CHMP4C: variants seen among roughly 807,000 people sequenced by gnomAD.
CHMP4C encodes SNF7 homolog associated with Alix 3.
In CHMP4C, 28 loss-of-function variants were observed where a neutral mutation model predicts 29.0. The ratio of observed to expected loss-of-function variants is 0.97; its 90% confidence interval spans 0.72 to 1.32. CHMP4C has a LOEUF of 1.32. CHMP4C is among the 40% of genes most tolerant of loss of function. The pLI, the probability that CHMP4C is intolerant of heterozygous loss-of-function variation, is 0.00. For missense variants in CHMP4C, 291 were observed against 281.0 expected (o/e 1.04, Z -0.25); for synonymous variants, 106 against 102.4 (o/e 1.04, Z -0.21).
intron 1 of CHMP4C, among the ~76,000 whole-genome samples, chr8:81,749,230 G>T (rs995086482): frequency 1.3e-5 from 2 of 152,110 alleles, no homozygotes; most frequent in African/African-American, 4.8e-5. Context: ...CTTGTTCTAT[G>T]TGCAAAATTA....
intron 1 of CHMP4C, among the ~76,000 whole-genome samples, chr8:81,736,939 C>T (rs1022161914): frequency 6.6e-6 from 1 of 152,180 alleles, no homozygotes; most frequent in African/African-American, 2.4e-5. Flanking sequence ...CAGTTACCAT[C>T]ATCATCCAGC....
At chr8:81,754,399 T>C (rs1269619923) in intron 2 of CHMP4C, among the ~76,000 whole-genome samples, 1 of 152,112 alleles carries the variant, frequency 6.6e-6, no homozygotes, top group Non-Finnish European at 1.5e-5. Flanking sequence ...TCAGTATAAA[T>C]AGAATAATAA....
At chr8:81,752,574 G>A (rs1312910012) in intron 1 of CHMP4C, among the ~76,000 whole-genome samples, 2 of 152,080 alleles carry the variant, frequency 1.3e-5, no homozygotes, top group Non-Finnish European at 2.9e-5. Context: ...ATACAGCTCA[G>A]TATTCTGAGT....
intron 2 of CHMP4C, among the ~76,000 whole-genome samples, chr8:81,753,983 A>G (rs1808941610): frequency 6.6e-6 from 1 of 152,130 alleles, no homozygotes; most frequent in Admixed American, 6.6e-5. Flanking sequence ...TATGTCTGGG[A>G]CCGGATCCTT....
rs549017399 is a variant in CHMP4C at position 81,750,483 on chromosome 8, G to A, written c.191-2581G>A. ...AGACTCCGTACAGTGACATGTGCCT[G>A]TAGTTGCAGTTACTCTGAAAGCTAA... On this transcript the variant is annotated intron_variant, in intron 1 of 4. Coordinates refer to ENST00000297265, the MANE Select transcript of CHMP4C (RefSeq NM_152284.4). Among the ~76,000 whole-genome samples the A allele has an allele frequency of 3.2e-3, 479 of 151,890 alleles. 2 individuals carry two copies. Among genetic ancestry groups the A allele is most frequent in the Non-Finnish European group, 5.4e-3 (370 of 67,934 alleles).
intron 1 of CHMP4C, among the ~76,000 whole-genome samples, chr8:81,747,982 CG>C (rs1386292133): frequency 1.3e-5 from 2 of 152,024 alleles, no homozygotes; most frequent in Non-Finnish European, 2.9e-5. Context: ...TATGGGAGAC[CG>C]GAGTCTATCT....
intron 1 of CHMP4C, among the ~76,000 whole-genome samples, chr8:81,749,197 T>A (rs1808867060): frequency 6.7e-6 from 1 of 149,324 alleles, no homozygotes; most frequent in African/African-American, 2.6e-5. Flanking sequence ...AAGGCCACAC[T>A]CTTTCCATTA....
Position 81,758,502 on chromosome 8 carries a change from A to AGAGGAT in CHMP4C, c.663_668dup (p.Glu221_Asp222dup). ...CAGCATCTTCCCAGAGGGCAGAAGA[A>AGAGGAT]GAGGATGATGATATCAAACAATTGG... On this transcript the variant is annotated inframe_insertion, in exon 5 of 5. Coordinates refer to ENST00000297265, the MANE Select transcript of CHMP4C (RefSeq NM_152284.4). 6.2e-7 allele frequency: 1 copy of AGAGGAT among 1,613,364 alleles called. No homozygotes were observed. Among genetic ancestry groups the AGAGGAT allele is most frequent in the South Asian group, 1.1e-5 (1 of 91,036 alleles).
chr8:81,748,450 G>A (rs1808858417), intron 1 of CHMP4C, among the ~76,000 whole-genome samples: 1 of 152,194 alleles, frequency 6.6e-6, no homozygotes, highest in South Asian at 2.1e-4. Context: ...TTTAGAGATT[G>A]CAGTAAAGAC....
chr8:81,742,230 A>G (rs886072196), intron 1 of CHMP4C, among the ~76,000 whole-genome samples: 4 of 152,130 alleles, frequency 2.6e-5, no homozygotes, highest in Non-Finnish European at 2.9e-5. Context: ...CTCTTCCCCA[A>G]TCTAAGAATC....
chr8:81,743,916 C>T (rs926467559), intron 1 of CHMP4C, among the ~76,000 whole-genome samples: 2 of 152,180 alleles, frequency 1.3e-5, no homozygotes, highest in African/African-American at 2.4e-5. Flanking sequence ...CTCTTTTATA[C>T]TTTATAGTAT....
chr8:81,750,749 A>G (rs1334527885), intron 1 of CHMP4C, among the ~76,000 whole-genome samples: 3 of 152,294 alleles, frequency 2.0e-5, no homozygotes, highest in African/African-American at 7.2e-5. Flanking sequence ...ATTTCAGAAG[A>G]TAGTAGACAG....
At chr8:81,753,333 T>G in intron 2 of CHMP4C, 92 bp downstream of exon 2, 2 of 939,942 alleles carry the variant, frequency 2.1e-6, no homozygotes, top group Non-Finnish European at 1.5e-6. Context: ...AGGAATGGGT[T>G]TACTCATTTG....
chr8:81,734,458 G>A (rs929963214), intron 1 of CHMP4C, among the ~76,000 whole-genome samples: 6 of 139,208 alleles, frequency 4.3e-5, no homozygotes, highest in Admixed American at 1.4e-4. Flanking sequence ...AGCCTCCCGA[G>A]TCGCTGGGAT....
rs117985047 is a variant in CHMP4C at position 81,737,041 on chromosome 8, G to A, written c.190+4225G>A. On this transcript the variant is annotated intron_variant, in intron 1 of 4. Transcript: ENST00000297265. Reference sequence around the variant, plus strand: ...CAAAAGAGTAACAGTTGGAGCTTGAGTTATAATTTGGTTAAAAACTTTAGG... The same window carrying A: ...CAAAAGAGTAACAGTTGGAGCTTGAATTATAATTTGGTTAAAAACTTTAGG... 1.2e-4 allele frequency among the ~76,000 whole-genome samples: 18 copies of A among 152,356 alleles called. 1 individual carries two copies. In the East Asian group the frequency reaches 3.5e-3, roughly 29 times the overall value.
intron 3 of CHMP4C, among the ~76,000 whole-genome samples, chr8:81,755,978 CTATAAT>C (rs1808967409): frequency 6.6e-6 from 1 of 152,148 alleles, no homozygotes; most frequent in South Asian, 2.1e-4. Flanking sequence ...TACAGACAGA[CTATAAT>C]TATAATGGTG....
intron 1 of CHMP4C, among the ~76,000 whole-genome samples, chr8:81,750,938 A>G (rs1007468021): frequency 6.6e-6 from 1 of 152,198 alleles, no homozygotes; most frequent in African/African-American, 2.4e-5. Context: ...AAAGTGTAAA[A>G]GAAAGTCTTT....
chr8:81,732,502 C>A lies in CHMP4C; in HGVS notation c.-125C>A. 3.0e-6 allele frequency: 2 copies of A among 664,200 alleles called. No homozygotes were observed. The highest frequency in any genetic ancestry group is 3.0e-5 in the Admixed American group (1 of 33,540). The allele number at this position is 664,200 out of a possible 1,614,324, so 41.1% of individuals were successfully genotyped here. On this transcript the variant is annotated 5_prime_UTR_variant, in exon 1 of 5. Coordinates refer to ENST00000297265, the MANE Select transcript of CHMP4C (RefSeq NM_152284.4). ...CCTGTCCAGGACGACTTGTTGATTC[C>A]CAGGAGGGCCGCCTTTCCGGTCTGG...
chr8:81,748,704 C>T (rs748101737), intron 1 of CHMP4C, among the ~76,000 whole-genome samples: 1 of 151,886 alleles, frequency 6.6e-6, no homozygotes, highest in Non-Finnish European at 1.5e-5. Flanking sequence ...CCGAGGCAGG[C>T]GATCACGAGG....
Sources: allele counts gnomAD v4.1 joint callset (sites outside exome capture counted in the v4.1 genomes callset), GRCh38; gene constraint gnomAD v4.1.1; transcripts MANE v1.5; gene names NCBI Gene and HGNC (gene_info 2026-07-23, HGNC 2026-07-21).